THSD4: variants seen among roughly 807,000 people sequenced by gnomAD.
THSD4 encodes thrombospondin type-1 domain-containing protein 4.
A neutral mutation model predicts 119.0 loss-of-function variants in THSD4; 69 were observed. The observed-to-expected ratio is 0.58, with a 90% confidence interval of 0.48 to 0.71. THSD4 has a LOEUF of 0.71. Among genes scored for constraint, THSD4 ranks in the 30% least tolerant of loss-of-function variants. The pLI, the probability that THSD4 is intolerant of heterozygous loss-of-function variation, is 0.00. For synonymous variants in THSD4, 524 were observed against 540.4 expected (o/e 0.97, Z 0.42); for missense variants, 1,393 against 1,391.1 (o/e 1.00, Z -0.02).
At chr15:71,137,191 G>A (rs554005866) in intron 1 of THSD4, among the ~76,000 whole-genome samples, 3 of 152,008 alleles carry the variant, frequency 2.0e-5, no homozygotes, top group Non-Finnish European at 2.9e-5. Context: ...CTCAAAAGGC[G>A]GACAGAGCTC....
At chr15:71,659,404 C>T (rs540506009) in intron 7 of THSD4, among the ~76,000 whole-genome samples, 1 of 152,214 alleles carries the variant, frequency 6.6e-6, no homozygotes, top group Admixed American at 6.5e-5. Context: ...AAGATCATTC[C>T]ATTTTGTTCC....
At chr15:71,442,695 T>TATATATATATATATATAC (rs2047126400) in intron 7 of THSD4, among the ~76,000 whole-genome samples, 1 of 118,442 alleles carries the variant, frequency 8.4e-6, no homozygotes. Flanking sequence ...TATATATATA[T>TATATATATATATATATAC]ATATATATGA....
chr15:71,465,926 G>A lies in THSD4; in HGVS notation c.1152+54103G>A, dbSNP rs547502228. Among the ~76,000 whole-genome samples, 365 of 152,332 alleles carry A rather than the reference G, an allele frequency of 2.4e-3. 17 individuals are homozygous for A. In the South Asian group the frequency reaches 0.06, roughly 25 times the overall value. Reference sequence around the variant, plus strand: ...TGTGGCAGGTGAGTGAAAGGCCTGGGAAGAAGGCCAAGGATGAAATTGATG... The same window carrying A: ...TGTGGCAGGTGAGTGAAAGGCCTGGAAAGAAGGCCAAGGATGAAATTGATG... On this transcript the variant is annotated intron_variant, in intron 7 of 17. Coordinates refer to ENST00000261862, the MANE Select transcript of THSD4 (RefSeq NM_024817.3).
At chr15:71,644,791 T>C (rs994911672) in intron 7 of THSD4, among the ~76,000 whole-genome samples, 2 of 152,194 alleles carry the variant, frequency 1.3e-5, no homozygotes, top group African/African-American at 4.8e-5. Context: ...ACCAACTTAT[T>C]TGAGGCAGGG....
chr15:71,630,382 T>C (rs961757246), intron 7 of THSD4, among the ~76,000 whole-genome samples: 1 of 152,192 alleles, frequency 6.6e-6, no homozygotes, highest in African/African-American at 2.4e-5. Context: ...AAACACACTT[T>C]GTGATTAAAA....
At chr15:71,602,553 CAAAAAAA>C (rs59370074) in intron 7 of THSD4, among the ~76,000 whole-genome samples, 86 of 53,896 alleles carry the variant, frequency 1.6e-3, no homozygotes, top group African/African-American at 4.4e-3. Context: ...AACTCTGTCT[CAAAAAAA>C]AAAAAAAAAA....
chr15:71,520,217 A>G (rs2048419754), intron 7 of THSD4, among the ~76,000 whole-genome samples: 1 of 152,206 alleles, frequency 6.6e-6, no homozygotes, highest in Non-Finnish European at 1.5e-5. Flanking sequence ...AGGGGTTGTC[A>G]GAGAGGGTTG....
At position 71,312,844 on chromosome 15, in the gene THSD4, C is replaced by T. The variant is rs1036016581; in HGVS notation, c.1015+56129C>T. ...TTCCTATGGCTTCCTCCTCATTATT[C>T]AGGCCTCTCTTCTGATTGTCCCTCC... On this transcript the variant is annotated intron_variant, in intron 6 of 17. Coordinates refer to ENST00000261862, the MANE Select transcript of THSD4 (RefSeq NM_024817.3). 2.6e-5 allele frequency among the ~76,000 whole-genome samples: 4 copies of T among 152,102 alleles called. No homozygotes were observed. The South Asian group carries it at 8.3e-4, about 32-fold the overall frequency.
At chr15:71,732,265 CTCTTGGTTCCCCTTTTG>C (rs1251469464) in intron 10 of THSD4, 1 of 152,186 alleles carries the variant, frequency 6.6e-6, no homozygotes, top group East Asian at 1.9e-4. Flanking sequence ...TATGCCTTTT[CTCTTGGTTCCCCTTTTG>C]TTTCTGTTAA....
At chr15:71,140,859 C>G (rs1298192644) in intron 1 of THSD4, among the ~76,000 whole-genome samples, 1 of 152,202 alleles carries the variant, frequency 6.6e-6, no homozygotes, top group African/African-American at 2.4e-5. Flanking sequence ...ATGAACTCCT[C>G]CCAACCCCCA....
chr15:71,161,541 C>T (rs1304928468), intron 3 of THSD4, among the ~76,000 whole-genome samples: 2 of 151,942 alleles, frequency 1.3e-5, no homozygotes, highest in African/African-American at 2.4e-5. Context: ...TCTATTTCAT[C>T]TCATGTAAGA....
intron 7 of THSD4, among the ~76,000 whole-genome samples, chr15:71,610,443 A>C (rs2140909753): frequency 6.6e-6 from 1 of 152,272 alleles, no homozygotes; most frequent in East Asian, 1.9e-4. Flanking sequence ...GGCATACTCA[A>C]GGCAATGAGA....
intron 7 of THSD4, among the ~76,000 whole-genome samples, chr15:71,490,517 G>A (rs1255728770): frequency 3.4e-4 from 46 of 136,898 alleles, no homozygotes; most frequent in Non-Finnish European, 2.1e-4. Context: ...CTGAGATCGC[G>A]CCACTGCACT....
chr15:71,274,842 G>A (rs2140307511), intron 6 of THSD4, among the ~76,000 whole-genome samples: 1 of 152,250 alleles, frequency 6.6e-6, no homozygotes, highest in Middle Eastern at 3.4e-3. Flanking sequence ...TTGAACCCAT[G>A]TCATTCTGGG....
chr15:71,362,365 A>G (rs575330973), intron 6 of THSD4, among the ~76,000 whole-genome samples: 7 of 152,344 alleles, frequency 4.6e-5, no homozygotes, highest in African/African-American at 1.2e-4. Flanking sequence ...ATTTTGAACC[A>G]TATGAATCTT....
At chr15:71,461,920 G>T (rs2047434192) in intron 7 of THSD4, among the ~76,000 whole-genome samples, 1 of 151,502 alleles carries the variant, frequency 6.6e-6, no homozygotes, top group South Asian at 2.1e-4. Flanking sequence ...AGGTTCTTTT[G>T]TTAGCTGCTG....
chr15:71,603,318 C>T (rs1051031593), intron 7 of THSD4, among the ~76,000 whole-genome samples: 2 of 152,286 alleles, frequency 1.3e-5, no homozygotes, highest in South Asian at 2.1e-4. Flanking sequence ...GGGCCCCCAC[C>T]GCACAGATTG....
At chr15:71,642,756 C>T (rs922903864) in intron 7 of THSD4, among the ~76,000 whole-genome samples, 1 of 150,472 alleles carries the variant, frequency 6.6e-6, no homozygotes, top group Non-Finnish European at 1.5e-5. Flanking sequence ...ACAATGAGAT[C>T]ACATGGACAC....
intron 7 of THSD4, among the ~76,000 whole-genome samples, chr15:71,427,214 CAAAT>C (rs1265211489): frequency 2.0e-5 from 3 of 151,938 alleles, no homozygotes; most frequent in Non-Finnish European, 1.5e-5. Flanking sequence ...TAATTATTAA[CAAAT>C]AATCATAACT....
Sources: allele counts gnomAD v4.1 joint callset (sites outside exome capture counted in the v4.1 genomes callset), GRCh38; gene constraint gnomAD v4.1.1; transcripts MANE v1.5; gene names NCBI Gene and HGNC (gene_info 2026-07-23, HGNC 2026-07-21).